The following DHX35 variants were observed in gnomAD, a reference collection of about 807,000 sequenced individuals.
DHX35 encodes the protein DEAH-box helicase 35.
A neutral mutation model predicts 99.6 loss-of-function variants in DHX35; 84 were observed. That is an observed-to-expected ratio of 0.84 (90% CI 0.71 to 1.01). DHX35 has a LOEUF of 1.01. Among genes scored for constraint, DHX35 ranks in the 50% least tolerant of loss-of-function variants. The pLI is 0.00. For synonymous variants in DHX35, 331 were observed against 316.2 expected (o/e 1.05, Z -0.50); for missense variants, 852 against 888.5 (o/e 0.96, Z 0.52).
chr20:39,009,886 T>C (rs1363022589), intron 12 of DHX35, among the ~76,000 whole-genome samples: 1 of 152,206 alleles, frequency 6.6e-6, no homozygotes, highest in Non-Finnish European at 1.5e-5. Flanking sequence ...TGTTGTATTT[T>C]GGTGATTTAT....
At chr20:38,998,386 C>CT (rs1249102446) in intron 8 of DHX35, among the ~76,000 whole-genome samples, 4 of 152,202 alleles carry the variant, frequency 2.6e-5, no homozygotes, top group Non-Finnish European at 4.4e-5. Flanking sequence ...TGGGCCAAGG[C>CT]TGTTGGCCAA....
chr20:39,013,908 T>C (rs2086741827), intron 13 of DHX35, among the ~76,000 whole-genome samples: 1 of 152,182 alleles, frequency 6.6e-6, no homozygotes, highest in Non-Finnish European at 1.5e-5. Context: ...CTACAACTTT[T>C]AAAAAAGTTT....
rs938118831 is a variant in DHX35 at position 38,962,404 on chromosome 20, C to T, written c.37C>T (p.Pro13Ser). Reference sequence around the variant, plus strand: ...CGTGGGACCGGTGAAGTTCTGGCGACCCGGTAAGGCCCTTGGTGGAACGCT... The same window carrying T: ...CGTGGGACCGGTGAAGTTCTGGCGATCCGGTAAGGCCCTTGGTGGAACGCT... ...APVGPVKFWR[P>S]GTEGPGVSIS... is the part of the protein sequence containing the mutation. Residue 13 changes from proline to serine, a missense_variant, in exon 1 of 22, where the codon CCC becomes TCC. By Grantham distance (74) the Pro-to-Ser change is moderately conservative (BLOSUM62 -1). Transcript: ENST00000252011. 6.2e-7 allele frequency: 1 copy of T among 1,612,584 alleles called. No individual in the cohort carries two copies. Among genetic ancestry groups the T allele is most frequent in the Non-Finnish European group, 8.5e-7 (1 of 1,179,302 alleles).
intron 18 of DHX35, among the ~76,000 whole-genome samples, chr20:39,028,064 T>C (rs1035777259): frequency 2.0e-5 from 3 of 152,242 alleles, no homozygotes. Context: ...TATGACACTC[T>C]TTTACAAAGG....
chr20:39,019,151 A>G (rs1257034764), intron 15 of DHX35, among the ~76,000 whole-genome samples: 1 of 152,098 alleles, frequency 6.6e-6, no homozygotes, highest in African/African-American at 2.4e-5. Context: ...GAAACTCCAT[A>G]CTTGGTAAAC....
At chr20:38,989,020 A>C (rs917834498) in intron 5 of DHX35, 103 bp downstream of exon 5, 9 of 1,306,224 alleles carry the variant, frequency 6.9e-6, no homozygotes, top group Non-Finnish European at 9.4e-6. Context: ...CATTGATACC[A>C]TGGCAGAAAG....
intron 20 of DHX35, among the ~76,000 whole-genome samples, chr20:39,031,489 A>G (rs1600455112): frequency 6.6e-6 from 1 of 152,056 alleles, no homozygotes; most frequent in Non-Finnish European, 1.5e-5. Flanking sequence ...GATGTGTGCA[A>G]TCACGCCTGG....
At chr20:38,970,073 A>G (rs113408584) in intron 2 of DHX35, among the ~76,000 whole-genome samples, 6 of 151,884 alleles carry the variant, frequency 4.0e-5, no homozygotes, top group Middle Eastern at 3.2e-3. Context: ...TGTTCTATCT[A>G]TCTGTCTGTC....
At chr20:38,987,597 A>G (rs995119614) in intron 4 of DHX35, among the ~76,000 whole-genome samples, 5 of 152,102 alleles carry the variant, frequency 3.3e-5, no homozygotes, top group Admixed American at 3.3e-4. Flanking sequence ...ATGCTTGTTC[A>G]TTCTTTTAAA....
At position 38,988,011 on chromosome 20, in the gene DHX35, C is replaced by T. The variant is rs8118473; in HGVS notation, c.346-802C>T. 4.7e-3 allele frequency among the ~76,000 whole-genome samples: 714 copies of T among 152,188 alleles called. 5 individuals are homozygous for T. The highest frequency in any genetic ancestry group is 0.017 in the African/African-American group (686 of 41,504). The stretch of plus-strand genomic sequence containing the variant: ...GTAATTCCTGTTCTGCCTTCATGGT[C>T]CCGGGGGATGGGTTTTCTTTTCGAG... On this transcript the variant is annotated intron_variant, in intron 4 of 21. Coordinates refer to ENST00000252011, the MANE Select transcript of DHX35 (RefSeq NM_021931.4).
chr20:38,980,338 A>G (rs1003786336), intron 3 of DHX35, among the ~76,000 whole-genome samples: 1 of 152,062 alleles, frequency 6.6e-6, no homozygotes, highest in African/African-American at 2.4e-5. Context: ...GTTTCCTTGG[A>G]CAAATTATGT....
rs1329138049 is a variant in DHX35, at chr20:39,038,570, G to A, written c.*27G>A. 1 of 1,606,144 alleles carries A rather than the reference G, an allele frequency of 6.2e-7. No homozygotes were observed. Among genetic ancestry groups the A allele is most frequent in the South Asian group, 1.1e-5 (1 of 90,552 alleles). On this transcript the variant is annotated 3_prime_UTR_variant, in exon 22 of 22. Transcript: ENST00000252011. ...AGGAGCCCACAGCTACAGCTGCAGG[G>A]ACTGCTGGCGTCCTCTCCTCCATGC...
chr20:39,000,744 A>T (rs1191874767), intron 8 of DHX35, among the ~76,000 whole-genome samples: 1 of 152,132 alleles, frequency 6.6e-6, no homozygotes, highest in Non-Finnish European at 1.5e-5. Context: ...GGAAATAAAG[A>T]CAAGCTTTGT....
chr20:39,018,020 A>C (rs1382228602), intron 14 of DHX35, among the ~76,000 whole-genome samples: 2 of 152,142 alleles, frequency 1.3e-5, no homozygotes, highest in Non-Finnish European at 2.9e-5. Flanking sequence ...CAGGCAAGAG[A>C]ACTTGTGCAG....
intron 20 of DHX35, among the ~76,000 whole-genome samples, chr20:39,031,429 C>T (rs2087051482): frequency 6.6e-6 from 1 of 151,802 alleles, no homozygotes; most frequent in African/African-American, 2.4e-5. Context: ...CTCTGCCTCC[C>T]AGGTCCACGT....
At chr20:38,962,861 G>C (rs921852987) in intron 1 of DHX35, 1 of 172,750 alleles carries the variant, frequency 5.8e-6, no homozygotes, top group African/African-American at 2.4e-5. Flanking sequence ...GGTGACCTTG[G>C]GCGAGTCACT....
At chr20:38,998,865 C>T (rs1435268623) in intron 8 of DHX35, among the ~76,000 whole-genome samples, 4 of 152,244 alleles carry the variant, frequency 2.6e-5, no homozygotes, top group African/African-American at 9.6e-5. Context: ...GGAGTGATCT[C>T]GGCCCACTGC....
intron 20 of DHX35, among the ~76,000 whole-genome samples, chr20:39,033,905 C>A (rs181371160): frequency 5.3e-5 from 8 of 152,276 alleles, no homozygotes; most frequent in Admixed American, 4.6e-4. Context: ...CTAATAAAGT[C>A]ATTAGGCTCA....
intron 12 of DHX35, among the ~76,000 whole-genome samples, chr20:39,008,618 C>T (rs1393112813): frequency 6.6e-6 from 1 of 152,178 alleles, no homozygotes; most frequent in Non-Finnish European, 1.5e-5. Flanking sequence ...CCACAGGAGC[C>T]TCCAGAAAGT....
Sources: gnomAD v4.1 joint callset for allele counts (sites outside exome capture counted in the v4.1 genomes callset) on GRCh38, gnomAD v4.1.1 for gene constraint, MANE v1.5 for transcripts, NCBI Gene and HGNC (gene_info 2026-07-23, HGNC 2026-07-21) for gene names.